Variants in LATS2 observed in about 807,000 individuals in gnomAD.
LATS2 encodes the protein serine/threonine-protein kinase LATS2.
A neutral mutation model predicts 76.0 loss-of-function variants in LATS2; 24 were observed. The ratio of observed to expected loss-of-function variants is 0.32; its 90% CI spans 0.23 to 0.44. LATS2 has a LOEUF of 0.44. Ranked by LOEUF, LATS2 falls within the 20% of genes least tolerant of loss-of-function variation. LATS2 has a pLI of 1.00. For missense variants in LATS2, 1,286 were observed against 1,481.2 expected (o/e 0.87, Z 2.16); for synonymous variants, 692 against 635.4 (o/e 1.09, Z -1.34).
chr13:21,030,612 G>GAAAAA (rs373077961), intron 2 of LATS2, among the ~76,000 whole-genome samples: 2 of 124,054 alleles, frequency 1.6e-5, no homozygotes, highest in African/African-American at 3.2e-5. Context: ...AAAAAAAAAA[G>GAAAAA]AAAAAAAAAA....
At chr13:20,976,873 A>C (rs1422392402) in intron 7 of LATS2, among the ~76,000 whole-genome samples, 1 of 152,204 alleles carries the variant, frequency 6.6e-6, no homozygotes, top group Non-Finnish European at 1.5e-5. Flanking sequence ...ACTATGGCAA[A>C]CAGTTTGGGA....
chr13:21,016,339 A>G (rs537666676), intron 2 of LATS2, among the ~76,000 whole-genome samples: 3 of 151,802 alleles, frequency 2.0e-5, no homozygotes, highest in Non-Finnish European at 4.4e-5. Context: ...GGCTCAGTAC[A>G]GTGGCGTGAT....
chr13:21,003,623 G>A (rs1341352212), intron 2 of LATS2, among the ~76,000 whole-genome samples: 1 of 151,976 alleles, frequency 6.6e-6, no homozygotes, highest in Non-Finnish European at 1.5e-5. Flanking sequence ...TGTATTTTTA[G>A]TAGAGATGGG....
At chr13:21,060,377 C>A in intron 1 of LATS2, among the ~76,000 whole-genome samples, 1 of 152,250 alleles carries the variant, frequency 6.6e-6, no homozygotes, top group East Asian at 1.9e-4. Context: ...CCAAACCCCC[C>A]ACACGTCGCT....
At chr13:21,000,746 AATCT>A (rs1871006034) in intron 2 of LATS2, among the ~76,000 whole-genome samples, 1 of 152,200 alleles carries the variant, frequency 6.6e-6, no homozygotes, top group Admixed American at 6.5e-5. Flanking sequence ...AACTCTAACA[AATCT>A]ACCACTGTTC....
At chr13:21,002,050 A>G (rs1042182418) in intron 2 of LATS2, among the ~76,000 whole-genome samples, 2 of 151,582 alleles carry the variant, frequency 1.3e-5, no homozygotes, top group African/African-American at 4.8e-5. Flanking sequence ...AGTAGCTGGG[A>G]CCACAGGTGC....
At chr13:20,985,636 G>A (rs1175178068) in intron 4 of LATS2, among the ~76,000 whole-genome samples, 1 of 152,168 alleles carries the variant, frequency 6.6e-6, no homozygotes, top group Admixed American at 6.5e-5. Flanking sequence ...CTCTCAGGAG[G>A]CTGAGGCAGG....
At chr13:21,039,327 G>T (rs1437965699) in intron 2 of LATS2, among the ~76,000 whole-genome samples, 1 of 152,202 alleles carries the variant, frequency 6.6e-6, no homozygotes, top group African/African-American at 2.4e-5. Context: ...AAGTGAGAAA[G>T]AGGAAATGTA....
At chr13:20,984,263 C>T (rs2138277060) in intron 4 of LATS2, among the ~76,000 whole-genome samples, 1 of 152,208 alleles carries the variant, frequency 6.6e-6, no homozygotes, top group Middle Eastern at 3.4e-3. Flanking sequence ...CATATATAGA[C>T]ATGAATATGG....
At chr13:21,004,668 G>A (rs191776276) in intron 2 of LATS2, among the ~76,000 whole-genome samples, 1 of 152,294 alleles carries the variant, frequency 6.6e-6, no homozygotes, top group East Asian at 1.9e-4. Context: ...TGCTTTGGCA[G>A]GAAGCGCTTT....
At chr13:21,006,289 A>G (rs1871266454) in intron 2 of LATS2, among the ~76,000 whole-genome samples, 1 of 151,750 alleles carries the variant, frequency 6.6e-6, no homozygotes, top group African/African-American at 2.4e-5. Context: ...GTGAGCAGAG[A>G]AAGAAGACCA....
At chr13:21,041,135 G>A (rs978118378) in intron 2 of LATS2, among the ~76,000 whole-genome samples, 2 of 152,088 alleles carry the variant, frequency 1.3e-5, no homozygotes. Context: ...ACCATGCCCG[G>A]CTAATTTTTT....
chr13:21,039,302 T>C (rs1872787885), intron 2 of LATS2, among the ~76,000 whole-genome samples: 1 of 152,228 alleles, frequency 6.6e-6, no homozygotes, highest in Non-Finnish European at 1.5e-5. Flanking sequence ...CAAACGGTGG[T>C]TCCCTTTCAA....
chr13:20,984,157 C>T (rs565212021), intron 4 of LATS2, among the ~76,000 whole-genome samples: 140 of 152,336 alleles, frequency 9.2e-4, no homozygotes, highest in African/African-American at 3.3e-3. Flanking sequence ...TGGTCTTGAA[C>T]TCCTGACCTC....
At chr13:21,021,110 G>T (rs1307691821) in intron 2 of LATS2, among the ~76,000 whole-genome samples, 3 of 152,126 alleles carry the variant, frequency 2.0e-5, no homozygotes, top group Non-Finnish European at 4.4e-5. Flanking sequence ...GTCAAAACTG[G>T]TCAGTGAGTA....
intron 2 of LATS2, among the ~76,000 whole-genome samples, chr13:20,998,190 T>C (rs1463280188): frequency 1.3e-5 from 2 of 151,894 alleles, no homozygotes; most frequent in Non-Finnish European, 2.9e-5. Context: ...CGCATGTTTG[T>C]AAAAAGTGAG....
At chr13:21,041,117 C>T (rs553327304) in intron 2 of LATS2, among the ~76,000 whole-genome samples, 22 of 152,190 alleles carry the variant, frequency 1.4e-4, no homozygotes, top group Admixed American at 2.6e-4. Context: ...GGACTACAGG[C>T]GCCCGCCACC....
At chr13:21,047,703 TAA>T (rs59154199) in intron 1 of LATS2, among the ~76,000 whole-genome samples, 34 of 140,704 alleles carry the variant, frequency 2.4e-4, no homozygotes, top group Admixed American at 2.9e-4. Flanking sequence ...TCAAGTGGAT[TAA>T]AAAAAAAAAA....
chr13:21,034,852 CAAAT>C (rs1872643913), intron 2 of LATS2, among the ~76,000 whole-genome samples: 1 of 152,150 alleles, frequency 6.6e-6, no homozygotes, highest in African/African-American at 2.4e-5. Context: ...CATCCGCTAA[CAAAT>C]AAGTCAATTA....
Sources: gnomAD v4.1 joint callset for allele counts (sites outside exome capture counted in the v4.1 genomes callset) on GRCh38, gnomAD v4.1.1 for gene constraint, MANE v1.5 for transcripts, NCBI Gene and HGNC (gene_info 2026-07-23, HGNC 2026-07-21) for gene names.